Variants in LIPI observed in about 807,000 individuals in gnomAD.
LIPI encodes lipase member I.
LIPI carries 59 observed loss-of-function variants against 50.6 expected under a neutral mutation model. The ratio of observed to expected loss-of-function variants is 1.16; its 90% CI spans 0.94 to 1.45. The LOEUF is 1.45. Among genes scored for constraint, LIPI ranks in the 40% most tolerant of loss-of-function variants. LIPI has a pLI of 0.00. For missense variants in LIPI, 586 were observed against 536.3 expected (o/e 1.09, Z -0.92); for synonymous variants, 203 against 178.2 (o/e 1.14, Z -1.11).
At chr21:14,115,483 C>T (rs976986373) in intron 9 of LIPI, among the ~76,000 whole-genome samples, 1 of 152,104 alleles carries the variant, frequency 6.6e-6, no homozygotes, top group Non-Finnish European at 1.5e-5. Flanking sequence ...TTAATAAAGA[C>T]CTTTCCTGAA....
intron 7 of LIPI, among the ~76,000 whole-genome samples, chr21:14,154,051 A>C (rs1177600976): frequency 6.6e-6 from 1 of 152,122 alleles, no homozygotes; most frequent in East Asian, 1.9e-4. Flanking sequence ...GATTTCTGAG[A>C]GTTTTTTATA....
intron 1 of LIPI, among the ~76,000 whole-genome samples, chr21:14,207,250 G>A (rs577025528): frequency 9.9e-5 from 15 of 152,260 alleles, no homozygotes; most frequent in African/African-American, 3.1e-4. Context: ...CTACATCAGC[G>A]TAGAATGACT....
chr21:14,141,575 C>A (rs1185835583), intron 9 of LIPI, among the ~76,000 whole-genome samples: 1 of 152,072 alleles, frequency 6.6e-6, no homozygotes, highest in Non-Finnish European at 1.5e-5. Context: ...ATTTCTAAAT[C>A]TTGATTGTTA....
chr21:14,196,141 A>T (rs1242716208), intron 1 of LIPI, among the ~76,000 whole-genome samples: 2 of 131,792 alleles, frequency 1.5e-5, no homozygotes, highest in Non-Finnish European at 3.3e-5. Flanking sequence ...TTTTTTTTAC[A>T]TGACACCAAA....
At chr21:14,208,059 C>A (rs1191358753) in intron 1 of LIPI, among the ~76,000 whole-genome samples, 1 of 152,144 alleles carries the variant, frequency 6.6e-6, no homozygotes, top group Non-Finnish European at 1.5e-5. Flanking sequence ...TCCTTGAGGG[C>A]ATCTGATTTT....
At chr21:14,184,212 A>G (rs1470700021) in intron 3 of LIPI, among the ~76,000 whole-genome samples, 2 of 152,190 alleles carry the variant, frequency 1.3e-5, no homozygotes, top group Non-Finnish European at 2.9e-5. Context: ...CATTCTCAGC[A>G]AACTATCGCA....
chr21:14,143,296 G>T (rs564604369), intron 9 of LIPI, among the ~76,000 whole-genome samples: 1 of 152,132 alleles, frequency 6.6e-6, no homozygotes, highest in East Asian at 1.9e-4. Context: ...TGCCGAAAAT[G>T]TTCAGATATT....
At position 14,165,272 on chromosome 21, in the gene LIPI, G is replaced by C. The variant is rs1568861110; in HGVS notation, c.852C>G (p.Ser284Arg). ...PCRSYKDYKTSLCVDCDCFKE... is the reference protein window; with the variant it reads ...PCRSYKDYKTRLCVDCDCFKE... ...TAAAACAGTCACAGTCCACACATAAGCTAGTCTTGTAATCTTTGTATGAAC... is the reference window on the plus strand; with the variant it reads ...TAAAACAGTCACAGTCCACACATAACCTAGTCTTGTAATCTTTGTATGAAC... Residue 284 changes from serine (S) to arginine (R), a missense_variant, in exon 6 of 10, where the codon AGC (serine) becomes AGG (arginine). By Grantham distance (110) the Ser-to-Arg change is moderately radical (BLOSUM62 -1). Coordinates refer to ENST00000681601, the MANE Select transcript of LIPI (RefSeq NM_001302998.2). 6.2e-7 allele frequency: 1 copy of C among 1,612,758 alleles called. No individual in the cohort carries two copies. The highest frequency in any genetic ancestry group is 8.5e-7 in the Non-Finnish European group (1 of 1,179,068).
intron 2 of LIPI, 30 bp from the exon 3 acceptor site, chr21:14,186,099 G>A: frequency 8.4e-7 from 1 of 1,185,232 alleles, no homozygotes; most frequent in South Asian, 1.2e-5. Flanking sequence ...CAATATTACA[G>A]TATTCATTTC....
intron 1 of LIPI, among the ~76,000 whole-genome samples, chr21:14,201,372 A>G (rs905251846): frequency 2.0e-5 from 3 of 152,136 alleles, no homozygotes; most frequent in African/African-American, 7.2e-5. Flanking sequence ...ACAAAGGTCT[A>G]ATATCCAGAA....
intron 9 of LIPI, among the ~76,000 whole-genome samples, chr21:14,138,042 A>AAATG (rs1600851158): frequency 1.3e-5 from 2 of 152,234 alleles, no homozygotes; most frequent in East Asian, 3.9e-4. Flanking sequence ...AGAAATAAAG[A>AAATG]CTTTCCCAGA....
At chr21:14,160,660 C>T (rs374713880) in intron 7 of LIPI, among the ~76,000 whole-genome samples, 3 of 151,424 alleles carry the variant, frequency 2.0e-5, no homozygotes, top group East Asian at 3.9e-4. Context: ...CTCATCAAAA[C>T]TAATCACTTT....
At chr21:14,198,853 A>T (rs2019952441) in intron 1 of LIPI, among the ~76,000 whole-genome samples, 1 of 152,088 alleles carries the variant, frequency 6.6e-6, no homozygotes, top group Non-Finnish European at 1.5e-5. Flanking sequence ...CAGACACATA[A>T]TTGAAAGTAA....
intron 9 of LIPI, among the ~76,000 whole-genome samples, chr21:14,134,184 T>A (rs929632883): frequency 6.6e-6 from 1 of 152,140 alleles, no homozygotes; most frequent in Admixed American, 6.5e-5. Context: ...TGAACTGTGA[T>A]CATGCCAGTA....
At chr21:14,161,380 T>A (rs2018455955) in intron 7 of LIPI, among the ~76,000 whole-genome samples, 1 of 142,808 alleles carries the variant, frequency 7.0e-6, no homozygotes, top group Admixed American at 7.3e-5. Context: ...CTATTATATA[T>A]GACATATAAT....
chr21:14,197,133 A>G (rs116801185), intron 1 of LIPI, among the ~76,000 whole-genome samples: 4,066 of 151,708 alleles, frequency 0.027, 66 homozygotes, highest in Admixed American at 0.032. Context: ...AATACAGAGC[A>G]TAAGAACAAA....
At chr21:14,176,175 C>CAA (rs35536134) in intron 4 of LIPI, among the ~76,000 whole-genome samples, 1 of 111,644 alleles carries the variant, frequency 9.0e-6, no homozygotes, top group African/African-American at 3.5e-5. Flanking sequence ...GACTCCGTCT[C>CAA]AAAAAAAAAA....
In LIPI at chr21:14,206,904, T is replaced by G. The variant is rs773619059; in HGVS notation, c.46+3896A>C. On this transcript the variant is annotated intron_variant, in intron 1 of 9. Transcript: ENST00000681601. The stretch of plus-strand genomic sequence containing the variant: ...ACTATATTTTTGGCACAAGTTATTA[T>G]GTAAACATTTGAGCAACATAAATAA... 8 of 1,609,690 alleles carry G rather than the reference T, an allele frequency of 5.0e-6. No homozygotes were observed. Among genetic ancestry groups the G allele is most frequent in the Non-Finnish European group, 6.8e-6 (8 of 1,176,496 alleles).
chr21:14,160,946 C>T lies in LIPI; in HGVS notation c.1006+2473G>A, dbSNP rs190897812. On this transcript the variant is annotated intron_variant, in intron 7 of 9. Coordinates refer to ENST00000681601, the MANE Select transcript of LIPI (RefSeq NM_001302998.2). ...GCATCACTGTATGCCTGTCAGAATGCGTAAGAATTTTTAAAATAATGACAC... is the reference window on the plus strand; with the variant it reads ...GCATCACTGTATGCCTGTCAGAATGTGTAAGAATTTTTAAAATAATGACAC... Among the ~76,000 whole-genome samples the T allele has an allele frequency of 1.2e-4, 18 of 150,834 alleles. No individual in the cohort carries two copies. The East Asian group carries it at 2.7e-3, about 23-fold the overall frequency.
Sources: allele counts gnomAD v4.1 joint callset (sites outside exome capture counted in the v4.1 genomes callset), GRCh38; gene constraint gnomAD v4.1.1; transcripts MANE v1.5; gene names NCBI Gene and HGNC (gene_info 2026-07-23, HGNC 2026-07-21).